The following HACD3 variants were observed in gnomAD, a reference collection of about 807,000 sequenced individuals.
HACD3 encodes the protein very-long-chain (3R)-3-hydroxyacyl-CoA dehydratase 3.
HACD3 carries 30 observed loss-of-function variants against 55.2 expected under a neutral mutation model. That is an observed-to-expected ratio of 0.54 (90% CI 0.41 to 0.74). The LOEUF (loss-of-function observed/expected upper bound fraction) is 0.74. Among genes scored for constraint, HACD3 ranks in the 30% least tolerant of loss-of-function variants. The pLI is 0.00. For synonymous variants in HACD3, 141 were observed against 151.7 expected (o/e 0.93, Z 0.52); for missense variants, 363 against 440.1 (o/e 0.82, Z 1.57).
At chr15:65,558,085 C>G (rs190575235) in intron 4 of HACD3, among the ~76,000 whole-genome samples, 11 of 152,190 alleles carry the variant, frequency 7.2e-5, no homozygotes, top group Middle Eastern at 3.4e-3. Flanking sequence ...GCATTGGAAA[C>G]CAAGATCTGG....
rs74021129 is a variant in HACD3 at position 65,555,575 on chromosome 15, C to T, written c.204+615C>T. Among the ~76,000 whole-genome samples the T allele has an allele frequency of 9.9e-4, 150 of 152,198 alleles. 1 individual carries two copies. Among genetic ancestry groups the T allele is most frequent in the East Asian group, 9.5e-3 (49 of 5,176 alleles). On this transcript the variant is annotated intron_variant, in intron 3 of 10. Coordinates refer to ENST00000261875, the MANE Select transcript of HACD3 (RefSeq NM_016395.4). ...CTGGTGGCTTGAGCTTCTTGATTTC[C>T]GTGCGCAGGTGCTCAGTTGTTTTGA...
At chr15:65,542,242 A>G (rs1307658129) in intron 1 of HACD3, among the ~76,000 whole-genome samples, 7 of 140,562 alleles carry the variant, frequency 5.0e-5, no homozygotes, top group East Asian at 2.0e-4. Flanking sequence ...AAAAAAAAAA[A>G]AAAAGAAAAG....
At chr15:65,545,725 A>G (rs922560270) in intron 1 of HACD3, among the ~76,000 whole-genome samples, 7 of 149,938 alleles carry the variant, frequency 4.7e-5, no homozygotes, top group African/African-American at 1.7e-4. Flanking sequence ...AAGTGCTGGG[A>G]TTACAGGCGT....
intron 1 of HACD3, among the ~76,000 whole-genome samples, chr15:65,532,269 A>G (rs1309913572): frequency 1.3e-5 from 2 of 151,940 alleles, no homozygotes; most frequent in Non-Finnish European, 2.9e-5. Flanking sequence ...AAACAAACAA[A>G]ATCTTTTGTA....
At chr15:65,536,500 C>G (rs756749911) in intron 1 of HACD3, among the ~76,000 whole-genome samples, 1 of 152,114 alleles carries the variant, frequency 6.6e-6, no homozygotes, top group Non-Finnish European at 1.5e-5. Context: ...ATGGCTCATG[C>G]CTGTAATCCC....
intron 1 of HACD3, among the ~76,000 whole-genome samples, chr15:65,533,851 A>G (rs1277857246): frequency 1.3e-5 from 2 of 151,716 alleles, no homozygotes; most frequent in Admixed American, 1.3e-4. Flanking sequence ...GGAGATCGAG[A>G]CCATCCTGGC....
chr15:65,534,859 G>A (rs1187992782), intron 1 of HACD3, among the ~76,000 whole-genome samples: 3 of 152,244 alleles, frequency 2.0e-5, no homozygotes, highest in African/African-American at 4.8e-5. Context: ...GCAAATTCTA[G>A]TGTGCAGTTC....
chr15:65,565,500 C>T (rs924922645), intron 7 of HACD3: 2 of 152,322 alleles, frequency 1.3e-5, no homozygotes, highest in African/African-American at 4.8e-5. Flanking sequence ...TTCTTGACTT[C>T]TCTGCACCCA....
rs534310043 is a variant in HACD3, at chr15:65,555,731, G to A, written c.204+771G>A. Among the ~76,000 whole-genome samples, 20 of 152,270 alleles carry A rather than the reference G, an allele frequency of 1.3e-4. No individual in the cohort carries two copies. The East Asian group carries it at 3.9e-3, about 29-fold the overall frequency. ...CCTATAAGAATTTGAGTTTAGTTGG[G>A]AAGACTCCCCAAATTGACCCCTGTG... On this transcript the variant is annotated intron_variant, in intron 3 of 10. Coordinates refer to ENST00000261875, the MANE Select transcript of HACD3 (RefSeq NM_016395.4).
At chr15:65,564,069 T>TTA in intron 6 of HACD3, 146 bp from the exon 7 acceptor site, 1 of 1,016,292 alleles carries the variant, frequency 9.8e-7, no homozygotes, top group South Asian at 1.4e-5. Flanking sequence ...CCCTTCCTGC[T>TTA]TAGTTAAGTA....
intron 6 of HACD3, among the ~76,000 whole-genome samples, chr15:65,563,130 A>C (rs906961686): frequency 1.3e-5 from 2 of 152,190 alleles, no homozygotes; most frequent in African/African-American, 4.8e-5. Flanking sequence ...GTTCACATCC[A>C]TAGCTAGCCA....
At chr15:65,564,642 T>A (rs1397622083) in intron 7 of HACD3, 1 of 255,628 alleles carries the variant, frequency 3.9e-6, no homozygotes, top group East Asian at 1.1e-4. Context: ...ATCCTGAGAA[T>A]AGCATGGGAA....
At chr15:65,555,107 T>C (rs2072175987) in intron 3 of HACD3, 147 bp downstream of exon 3, 2 of 658,626 alleles carry the variant, frequency 3.0e-6, no homozygotes, top group East Asian at 5.6e-5. Context: ...AGAGCCCAGG[T>C]TTTAGCTGCA....
chr15:65,567,927 T>C (rs970636354), intron 7 of HACD3, among the ~76,000 whole-genome samples: 1 of 133,552 alleles, frequency 7.5e-6, no homozygotes, highest in Non-Finnish European at 1.7e-5. Context: ...TCATAGTTTC[T>C]TTCTTTTTTT....
At chr15:65,531,745 T>C (rs1168446532) in intron 1 of HACD3, among the ~76,000 whole-genome samples, 1 of 152,090 alleles carries the variant, frequency 6.6e-6, no homozygotes, top group African/African-American at 2.4e-5. Context: ...TTTGTATTTT[T>C]AGTAGCGACA....
At chr15:65,559,279 C>G (rs1344708569) in intron 5 of HACD3, among the ~76,000 whole-genome samples, 1 of 152,160 alleles carries the variant, frequency 6.6e-6, no homozygotes, top group South Asian at 2.1e-4. Context: ...AATTCAGCAG[C>G]TATCTGTTAA....
chr15:65,548,976 T>C (rs1416226067), intron 1 of HACD3, among the ~76,000 whole-genome samples: 1 of 152,086 alleles, frequency 6.6e-6, no homozygotes, highest in Non-Finnish European at 1.5e-5. Context: ...ATCCTCCCAC[T>C]TCAGCCTCCC....
chr15:65,570,980 C>T (rs2072342467), intron 8 of HACD3, among the ~76,000 whole-genome samples: 1 of 152,150 alleles, frequency 6.6e-6, no homozygotes, highest in Admixed American at 6.5e-5. Flanking sequence ...TCAAATCAGA[C>T]ACGTAATGTG....
At chr15:65,565,191 C>T (rs2072279322) in intron 7 of HACD3, 1 of 153,338 alleles carries the variant, frequency 6.5e-6, no homozygotes, top group South Asian at 2.1e-4. Context: ...GGAGCAGCCT[C>T]CCTCCCGGCT....
Sources: allele counts gnomAD v4.1 joint callset (sites outside exome capture counted in the v4.1 genomes callset), GRCh38; gene constraint gnomAD v4.1.1; transcripts MANE v1.5; gene names NCBI Gene and HGNC (gene_info 2026-07-23, HGNC 2026-07-21).